Variants in SDK2 observed in about 807,000 individuals in gnomAD.
SDK2 encodes the protein sidekick cell adhesion molecule 2.
Under a neutral mutation model 253.9 loss-of-function variants are expected in SDK2, and 105 were observed. That is an observed-to-expected ratio of 0.41 (90% confidence interval 0.35 to 0.49). SDK2 has a LOEUF of 0.49. Ranked by LOEUF, SDK2 falls within the 20% of genes least tolerant of loss-of-function variation. The probability of loss-of-function intolerance (pLI) is 0.06; values close to 1 mark genes in which losing one functional copy is unlikely to be tolerated. For synonymous variants in SDK2, 1,249 were observed against 1,234.9 expected, an observed-to-expected ratio of 1.01 and a Z score of -0.24; for missense variants, 2,608 against 3,003.0, an observed-to-expected ratio of 0.87 and a Z score of 3.07.
chr17:73,581,840 GCAGA>G lies in SDK2; in HGVS notation c.64+62181_64+62184del, dbSNP rs374336684. 1.0e-3 allele frequency among the ~76,000 whole-genome samples: 153 copies of G among 152,324 alleles called. 3 individuals are homozygous for G. The highest frequency in any genetic ancestry group is 6.8e-3 in the South Asian group (33 of 4,832). On this transcript the variant is annotated intron_variant, in intron 1 of 44. Transcript: ENST00000392650. ...GGGGATGGTGTTATTTGGGGAGGGGGCAGACAGCCATTGGCAGAGCCACCTGAGG... is the reference window on the plus strand; with the variant it reads ...GGGGATGGTGTTATTTGGGGAGGGGGCAGCCATTGGCAGAGCCACCTGAGG...
intron 18 of SDK2, among the ~76,000 whole-genome samples, chr17:73,406,383 A>G (rs1189381279): frequency 6.6e-6 from 1 of 151,718 alleles, no homozygotes; most frequent in African/African-American, 2.4e-5. Flanking sequence ...AGCTGGGATT[A>G]TAGGCACCTG....
intron 1 of SDK2, among the ~76,000 whole-genome samples, chr17:73,512,896 C>A (rs897930970): frequency 6.6e-6 from 1 of 151,952 alleles, no homozygotes; most frequent in South Asian, 2.1e-4. Context: ...GCTAGGGAAC[C>A]ATTTGGGGAT....
chr17:73,395,237 C>T lies in SDK2; in HGVS notation c.3510G>A (p.Glu1170=), dbSNP rs754206428. Residue 1170 remains glutamate, a synonymous_variant, in exon 25 of 45, where the codon GAG becomes GAA. Transcript: ENST00000392650. This position sits in a 1 kb window ranked among gnomAD's most constrained non-coding sequence, Gnocchi z 4.3. ...YTIEDLEEWT[E]YRVQVQAFNA... is the part of the protein sequence containing the mutation. ...TGAAGGCCTGGACCTGGACGCGGTACTCTGTCCACTCCTCCAGGTCCTCGA... is the reference window on the plus strand; with the variant it reads ...TGAAGGCCTGGACCTGGACGCGGTATTCTGTCCACTCCTCCAGGTCCTCGA... The T allele has an allele frequency of 5.6e-6, 9 of 1,613,592 alleles. No homozygotes were observed. The highest frequency in any genetic ancestry group is 7.6e-6 in the Non-Finnish European group (9 of 1,179,804).
In SDK2 at chr17:73,414,651, C is replaced by T; in HGVS notation, c.2477G>A (p.Gly826Asp). 6.2e-7 allele frequency: 1 copy of T among 1,613,312 alleles called. No individual in the cohort carries two copies. The highest frequency in any genetic ancestry group is 8.5e-7 in the Non-Finnish European group (1 of 1,179,342). ...SPQFINGINQ[G>D]YKLIAWEPEQ... Reference sequence around the variant, plus strand: ...AGGAGATGCCTCATGTACCTTGTAGCCCTGGTTGATGCCGTTGATGAACTG... The same window carrying T: ...AGGAGATGCCTCATGTACCTTGTAGTCCTGGTTGATGCCGTTGATGAACTG... Residue 826 changes from glycine to aspartate, a missense_variant, in exon 18 of 45, where the codon GGC (glycine) becomes GAC (aspartate). Physicochemically the swap from Gly to Asp is moderately conservative, Grantham distance 94. Around this residue, in one of 2 missense-constraint regions of SDK2, gnomAD observed 1,505 missense variants for 1,859.1 expected, o/e 0.81. Coordinates refer to ENST00000392650, the MANE Select transcript of SDK2 (RefSeq NM_001144952.2).
At chr17:73,527,768 C>G (rs576116509) in intron 1 of SDK2, among the ~76,000 whole-genome samples, 1 of 152,202 alleles carries the variant, frequency 6.6e-6, no homozygotes, top group Non-Finnish European at 1.5e-5. Context: ...AGGGCAGAGA[C>G]GATCTCCCAG....
At chr17:73,364,372 C>T (rs1331509062) in intron 38 of SDK2, among the ~76,000 whole-genome samples, 6 of 152,022 alleles carry the variant, frequency 3.9e-5, no homozygotes, top group East Asian at 1.9e-4. Context: ...AGGACAAGAG[C>T]GAGGTCATTT....
intron 2 of SDK2, among the ~76,000 whole-genome samples, chr17:73,484,611 A>G (rs558602096): frequency 2.0e-5 from 3 of 152,282 alleles, no homozygotes; most frequent in Non-Finnish European, 4.4e-5. Context: ...CCTTAAAACG[A>G]CAGAAATTTC....
chr17:73,371,476 A>G (rs2062733862), intron 36 of SDK2, among the ~76,000 whole-genome samples: 1 of 152,180 alleles, frequency 6.6e-6, no homozygotes, highest in Admixed American at 6.5e-5. Flanking sequence ...GTTTGACTCG[A>G]TATGAGCAAC....
rs1385911307 is a variant in SDK2, at chr17:73,443,971, A to G, written c.614-3048T>C. ...CTGTCCTCATGGAGGGTGATGTCCC[A>G]GAGGAAGTCGAACCAATGCTCGTGG... On this transcript the variant is annotated intron_variant, in intron 5 of 44. Coordinates refer to ENST00000392650, the MANE Select transcript of SDK2 (RefSeq NM_001144952.2). This position sits in a 1 kb window ranked among gnomAD's most constrained non-coding sequence, Gnocchi z 4.6. Among the ~76,000 whole-genome samples the G allele has an allele frequency of 6.6e-6, 1 of 152,200 alleles. No homozygotes were observed. Among genetic ancestry groups the G allele is most frequent in the Non-Finnish European group, 1.5e-5 (1 of 68,030 alleles).
Position 73,393,471 on chromosome 17 carries a change from AG to A in SDK2, c.3898+88del, listed in dbSNP as rs370047423. On this transcript the variant is annotated intron_variant, in intron 27 of 44. Coordinates refer to ENST00000392650, the MANE Select transcript of SDK2 (RefSeq NM_001144952.2). ...GAGGCCATGGCTCCCTGTGGGGCAG[AG>A]CCTGACCCCAGAAGGGCAAGGCCAG... 3.5e-3 allele frequency: 4,343 copies of A among 1,239,426 alleles called. 24 individuals carry two copies. The highest frequency in any genetic ancestry group is 0.02 in the South Asian group (1,016 of 51,718). 76.8% of individuals were successfully genotyped at this position (1,239,426 alleles called of 1,614,324 possible).
intron 2 of SDK2, among the ~76,000 whole-genome samples, chr17:73,479,102 TCTC>T (rs2063705718): frequency 6.6e-6 from 1 of 152,374 alleles, no homozygotes; most frequent in African/African-American, 2.4e-5. Flanking sequence ...TGAGGCCTCC[TCTC>T]CTCAAGTGAA....
At chr17:73,596,414 C>T (rs1430864286) in intron 1 of SDK2, among the ~76,000 whole-genome samples, 1 of 152,148 alleles carries the variant, frequency 6.6e-6, no homozygotes, top group Non-Finnish European at 1.5e-5. Flanking sequence ...TCAACCTCTG[C>T]GACCCTCAGT....
intron 1 of SDK2, among the ~76,000 whole-genome samples, chr17:73,523,296 C>G (rs1055219100): frequency 7.2e-5 from 11 of 151,834 alleles, no homozygotes; most frequent in African/African-American, 2.7e-4. Flanking sequence ...AGCTTCCCCT[C>G]TTGATGAGGG....
chr17:73,394,804 C>T (rs946510476), intron 25 of SDK2, among the ~76,000 whole-genome samples: 1 of 152,166 alleles, frequency 6.6e-6, no homozygotes, highest in East Asian at 1.9e-4. Flanking sequence ...GAGAGCTAAC[C>T]CTTTCCTCGA....
In SDK2 at chr17:73,438,121, C is replaced by T. The variant is rs1273966117; in HGVS notation, c.759G>A (p.Lys253=). 1.2e-5 allele frequency: 18 copies of T among 1,551,678 alleles called. No individual in the cohort carries two copies. The highest frequency in any genetic ancestry group is 1.5e-5 in the Non-Finnish European group (17 of 1,146,978). ...PLIKLHIIWK[K]DGVLLSGGIS... ...TGCCGCCCGACAGCAATACCCCGTC[C>T]TTCTTCCAAATGATATGTAGCTTGA... is the stretch of plus-strand genomic sequence containing the variant. Residue 253 remains lysine, a synonymous_variant, in exon 7 of 45, where the codon AAG becomes AAA. Transcript: ENST00000392650.
intron 8 of SDK2, among the ~76,000 whole-genome samples, chr17:73,436,918 G>A (rs1171477649): frequency 6.6e-6 from 1 of 152,082 alleles, no homozygotes; most frequent in African/African-American, 2.4e-5. Flanking sequence ...TTGTTTATCA[G>A]CTTGCCCATC....
chr17:73,641,585 C>A (rs546685745), intron 1 of SDK2, among the ~76,000 whole-genome samples: 2 of 152,030 alleles, frequency 1.3e-5, no homozygotes, highest in South Asian at 4.2e-4. Flanking sequence ...CAGCACCCAC[C>A]CCCCATCCCC....
chr17:73,543,171 G>A (rs976515467), intron 1 of SDK2, among the ~76,000 whole-genome samples: 2 of 152,118 alleles, frequency 1.3e-5, no homozygotes, highest in Non-Finnish European at 2.9e-5. Flanking sequence ...CATTTACTGG[G>A]GGCACTCAGC....
chr17:73,378,000 C>T (rs564588703), intron 36 of SDK2, among the ~76,000 whole-genome samples: 2 of 152,182 alleles, frequency 1.3e-5, no homozygotes, highest in African/African-American at 2.4e-5. Flanking sequence ...CTCCCAGCTT[C>T]GTGGGCCTTT....
Sources: gnomAD v4.1 joint callset for allele counts (sites outside exome capture counted in the v4.1 genomes callset) on GRCh38, gnomAD v4.1.1 for gene constraint, gnomAD v4.1.1 regional missense constraint, Gnocchi (gnomAD v3.1) non-coding constraint, MANE v1.5 for transcripts, NCBI Gene and HGNC (gene_info 2026-07-23, HGNC 2026-07-21) for gene names.